The following NCKAP5 variants were observed in gnomAD, a reference collection of about 807,000 sequenced individuals.
The protein encoded by NCKAP5 is NCK associated protein 5.
NCKAP5 carries 92 observed loss-of-function variants against 167.0 expected under a neutral mutation model. The observed-to-expected ratio is 0.55, with a 90% CI of 0.47 to 0.66. The LOEUF is 0.66. Among genes scored for constraint, NCKAP5 ranks in the 30% least tolerant of loss-of-function variants. The pLI is 0.00. For missense variants in NCKAP5, 2,378 were observed against 2,315.0 expected, an observed-to-expected ratio of 1.03 and a Z score of -0.56; for synonymous variants, 891 against 877.4, an observed-to-expected ratio of 1.02 and a Z score of -0.27.
At chr2:133,168,992 A>G (rs1243859051) in intron 5 of NCKAP5, among the ~76,000 whole-genome samples, 1 of 152,150 alleles carries the variant, frequency 6.6e-6, no homozygotes, top group African/African-American at 2.4e-5. Context: ...CCCAGGGGAC[A>G]TGCTAGTCGT....
intron 6 of NCKAP5, among the ~76,000 whole-genome samples, chr2:133,105,124 C>A (rs932882307): frequency 6.6e-6 from 1 of 152,172 alleles, no homozygotes; most frequent in African/African-American, 2.4e-5. Context: ...TACTTCATGC[C>A]TTTAGTCCTT....
intron 11 of NCKAP5, among the ~76,000 whole-genome samples, chr2:132,807,256 A>G (rs1406316239): frequency 1.3e-5 from 2 of 152,110 alleles, no homozygotes; most frequent in African/African-American, 4.8e-5. Context: ...TTATGGTTCC[A>G]TATGAATTTT....
chr2:133,312,374 T>C (rs1204768023), intron 3 of NCKAP5, among the ~76,000 whole-genome samples: 1 of 152,176 alleles, frequency 6.6e-6, no homozygotes, highest in Non-Finnish European at 1.5e-5. Context: ...TTAGATATTT[T>C]TCCCCTTTTA....
intron 6 of NCKAP5, among the ~76,000 whole-genome samples, chr2:133,120,656 G>A (rs184070702): frequency 4.4e-4 from 67 of 152,278 alleles, no homozygotes; most frequent in Admixed American, 3.4e-3. Flanking sequence ...TCTGCAAAGA[G>A]TATTCTGAAA....
intron 2 of NCKAP5, among the ~76,000 whole-genome samples, chr2:133,542,943 C>T (rs1208820311): frequency 6.6e-6 from 1 of 152,146 alleles, no homozygotes; most frequent in Non-Finnish European, 1.5e-5. Context: ...TAGGTAGGAT[C>T]ATAATACTAT....
At chr2:132,802,569 T>C (rs1685125097) in intron 11 of NCKAP5, among the ~76,000 whole-genome samples, 1 of 152,174 alleles carries the variant, frequency 6.6e-6, no homozygotes, top group Non-Finnish European at 1.5e-5. Flanking sequence ...TATTGCTCAC[T>C]TCCTCTGATT....
chr2:132,979,918 G>A (rs575088120), intron 7 of NCKAP5, among the ~76,000 whole-genome samples: 1 of 151,996 alleles, frequency 6.6e-6, no homozygotes, highest in Non-Finnish European at 1.5e-5. Flanking sequence ...GCCACAGGAA[G>A]CTTTCACATA....
chr2:133,213,281 T>C (rs1347431668), intron 5 of NCKAP5, among the ~76,000 whole-genome samples: 1 of 152,106 alleles, frequency 6.6e-6, no homozygotes, highest in African/African-American at 2.4e-5. Flanking sequence ...ATATTGCAAA[T>C]AGTGAAGAGA....
intron 4 of NCKAP5, among the ~76,000 whole-genome samples, chr2:133,247,202 T>C (rs1019542351): frequency 6.6e-6 from 1 of 152,216 alleles, no homozygotes; most frequent in Non-Finnish European, 1.5e-5. Flanking sequence ...AACTGTGAGA[T>C]GTCTTCACTT....
intron 16 of NCKAP5, among the ~76,000 whole-genome samples, chr2:132,750,964 A>G (rs1368579571): frequency 6.6e-6 from 1 of 152,220 alleles, no homozygotes; most frequent in African/African-American, 2.4e-5. Flanking sequence ...AGGGCTTCAA[A>G]GGTTTGTGAC....
At chr2:133,527,933 C>T (rs1685058414) in intron 2 of NCKAP5, among the ~76,000 whole-genome samples, 1 of 152,052 alleles carries the variant, frequency 6.6e-6, no homozygotes, top group South Asian at 2.1e-4. Context: ...GATGTGGTGG[C>T]ACGTGCTTGT....
chr2:133,315,734 C>A (rs1574679717), intron 3 of NCKAP5, among the ~76,000 whole-genome samples: 2 of 152,080 alleles, frequency 1.3e-5, no homozygotes, highest in South Asian at 4.2e-4. Context: ...TCAAGTAAGA[C>A]AGGCCCCCAA....
intron 4 of NCKAP5, among the ~76,000 whole-genome samples, chr2:133,225,672 G>C (rs906591900): frequency 3.3e-5 from 5 of 151,698 alleles, no homozygotes; most frequent in African/African-American, 1.2e-4. Flanking sequence ...AGAGTGCAGT[G>C]GTGTGATCAT....
chr2:133,393,694 C>T (rs552827641), intron 3 of NCKAP5, among the ~76,000 whole-genome samples: 34 of 152,330 alleles, frequency 2.2e-4, no homozygotes, highest in African/African-American at 8.2e-4. Context: ...AACCTAACCT[C>T]CAGAACAAAT....
intron 3 of NCKAP5, among the ~76,000 whole-genome samples, chr2:133,457,459 G>T (rs1338029000): frequency 6.6e-6 from 1 of 152,082 alleles, no homozygotes; most frequent in Non-Finnish European, 1.5e-5. Context: ...AGACAGAATG[G>T]CAATGCAGCC....
intron 7 of NCKAP5, among the ~76,000 whole-genome samples, chr2:132,966,775 C>G (rs2076682204): frequency 6.6e-6 from 1 of 152,188 alleles, no homozygotes. Context: ...ATCCGACACA[C>G]ATGTATTTTA....
intron 2 of NCKAP5, among the ~76,000 whole-genome samples, chr2:133,537,189 T>C (rs1685829864): frequency 6.6e-6 from 1 of 152,114 alleles, no homozygotes; most frequent in Admixed American, 6.5e-5. Flanking sequence ...CAGTACTATC[T>C]TGATTACTAT....
chr2:133,517,678 C>A lies in NCKAP5; in HGVS notation c.-61-91G>T, dbSNP rs182327314. 2.3e-3 allele frequency: 964 copies of A among 426,534 alleles called. 2 individuals carry two copies. The highest frequency in any genetic ancestry group is 3.2e-3 in the Non-Finnish European group (770 of 241,060). 26.4% of individuals were successfully genotyped at this position (426,534 alleles called of 1,614,324 possible). A position where few individuals can be genotyped will look rare whatever the true frequency, so the allele number is the denominator to read the frequency against. On this transcript the variant is annotated intron_variant, in intron 2 of 19. Coordinates refer to ENST00000409261, the MANE Select transcript of NCKAP5 (RefSeq NM_207363.3). ...TCTAACCAGAAACAAGCATTGAAGT[C>A]AAAAAATACCCAGTCCCAAATAATA...
the NCKAP5 span, among the ~76,000 whole-genome samples, chr2:133,651,293 T>C: frequency 2.6e-5 from 4 of 152,198 alleles, no homozygotes; most frequent in Non-Finnish European, 4.4e-5. Context: ...ACTCCTGCTA[T>C]TCAAGAGTAA....
Sources: allele counts gnomAD v4.1 joint callset (sites outside exome capture counted in the v4.1 genomes callset), GRCh38; gene constraint gnomAD v4.1.1; transcripts MANE v1.5; gene names NCBI Gene and HGNC (gene_info 2026-07-23, HGNC 2026-07-21).